Variants in SEC24D observed in about 807,000 individuals in gnomAD.
SEC24D encodes the protein protein transport protein Sec24D.
SEC24D carries 69 observed loss-of-function variants against 116.9 expected under a neutral mutation model. That is an observed-to-expected ratio of 0.59 (90% CI 0.49 to 0.72). The LOEUF (loss-of-function observed/expected upper bound fraction) is 0.72. Ranked by LOEUF, SEC24D falls within the 30% of genes least tolerant of loss-of-function variation. The pLI is 0.00. For synonymous variants in SEC24D, 405 were observed against 442.8 expected (o/e 0.91, Z 1.07); for missense variants, 1,131 against 1,264.1 (o/e 0.89, Z 1.60).
chr4:118,756,385 T>C (rs1398565484), intron 11 of SEC24D, among the ~76,000 whole-genome samples: 1 of 152,122 alleles, frequency 6.6e-6, no homozygotes, highest in East Asian at 1.9e-4. Context: ...AGTTTGAAAT[T>C]GCCTCGGTGT....
In SEC24D at chr4:118,723,575, GCCTCCGTA is replaced by G. The variant is rs1725252640; in HGVS notation, c.3031_3038del (p.Tyr1011LeufsTer19). 3.1e-6 allele frequency: 5 copies of G among 1,613,656 alleles called. No individual in the cohort carries two copies. In the African/African-American group the frequency reaches 6.7e-5, roughly 22 times the overall value. ...AACAAAGGAAATCCACATAAGAAGAGCCTCCGTAAAGTCCTTTGTCTTCTACCAGGAAC... is the reference window on the plus strand; with the variant it reads ...AACAAAGGAAATCCACATAAGAAGAGAAGTCCTTTGTCTTCTACCAGGAAC... On this transcript the variant is annotated frameshift_variant, in exon 23 of 23. Coordinates refer to ENST00000280551, the MANE Select transcript of SEC24D (RefSeq NM_014822.4). LOFTEE classifies it high-confidence loss of function.
Position 118,728,564 on chromosome 4 carries a change from C to A in SEC24D, c.2955G>T (p.Met985Ile), listed in dbSNP as rs748694920. 2.5e-6 allele frequency: 4 copies of A among 1,585,996 alleles called. No individual in the cohort carries two copies. The highest frequency in any genetic ancestry group is 2.7e-5 in the African/African-American group (2 of 73,966). ...GIIQQKRPYS[M>I]KLTIVKQREQ... is the part of the protein sequence containing the mutation. ...AAAAATAAAATTGCTTTCTTACCTT[C>A]ATTGAATATGGCCTCTTTTGTTGGA... Residue 985 changes from methionine to isoleucine, a missense_variant, in exon 22 of 23, where the codon ATG becomes ATT. Met to Ile is a conservative substitution (Grantham distance 10). Transcript: ENST00000280551.
At chr4:118,753,280 T>C (rs1726926992) in intron 11 of SEC24D, among the ~76,000 whole-genome samples, 1 of 152,096 alleles carries the variant, frequency 6.6e-6, no homozygotes, top group Non-Finnish European at 1.5e-5. Context: ...AATGGAATAT[T>C]TGAAGCAAGG....
At chr4:118,783,546 T>TGG (rs1728525504) in intron 8 of SEC24D, among the ~76,000 whole-genome samples, 1 of 152,036 alleles carries the variant, frequency 6.6e-6, no homozygotes, top group Non-Finnish European at 1.5e-5. Flanking sequence ...TTGAATTGAA[T>TGG]TGGTTATTCT....
In SEC24D at chr4:118,778,474, T is replaced by C. The variant is rs549855632; in HGVS notation, c.1042-10163A>G. Among the ~76,000 whole-genome samples, 8 of 152,330 alleles carry C rather than the reference T, an allele frequency of 5.3e-5. No homozygotes were observed. The South Asian group carries it at 1.7e-3, about 32-fold the overall frequency. On this transcript the variant is annotated intron_variant, in intron 8 of 22. Coordinates refer to ENST00000280551, the MANE Select transcript of SEC24D (RefSeq NM_014822.4). ...CTGTTCCACTGGTCTATATCTCTGT[T>C]TTGGTACCAGTACCACGCTGATTTG...
At chr4:118,779,235 G>A (rs989079831) in intron 8 of SEC24D, among the ~76,000 whole-genome samples, 28 of 152,124 alleles carry the variant, frequency 1.8e-4, no homozygotes, top group Non-Finnish European at 3.7e-4. Flanking sequence ...TATTGGCTGT[G>A]GGTTTGTCAT....
intron 13 of SEC24D, among the ~76,000 whole-genome samples, chr4:118,750,106 A>G (rs1404186642): frequency 6.6e-6 from 1 of 152,236 alleles, no homozygotes. Context: ...GATGCAAAAG[A>G]TATGAAGATA....
intron 8 of SEC24D, among the ~76,000 whole-genome samples, chr4:118,792,522 G>A (rs1325553033): frequency 6.6e-6 from 1 of 152,236 alleles, no homozygotes; most frequent in African/African-American, 2.4e-5. Context: ...GTAGACATAG[G>A]AGACTCCATT....
intron 8 of SEC24D, among the ~76,000 whole-genome samples, chr4:118,794,834 C>T (rs35868882): frequency 0.26 from 39,823 of 152,018 alleles, 6,398 homozygotes; most frequent in East Asian, 0.45. Context: ...TATATTACCC[C>T]GCTGTTTTAA....
intron 3 of SEC24D, among the ~76,000 whole-genome samples, chr4:118,822,190 A>T (rs1730428736): frequency 6.6e-6 from 1 of 152,222 alleles, no homozygotes; most frequent in African/African-American, 2.4e-5. Context: ...TTAATCATTA[A>T]AATCCTCACA....
chr4:118,731,457 A>G lies in SEC24D; in HGVS notation c.2727T>C (p.Ser909=). The G allele has an allele frequency of 6.2e-7, 1 of 1,614,176 alleles. No individual in the cohort carries two copies. Among genetic ancestry groups the G allele is most frequent in the Non-Finnish European group, 8.5e-7 (1 of 1,180,000 alleles). The change falls in exon 21 of 23, where the codon TCT becomes TCC. Residue 909 remains serine, a synonymous_variant. Transcript: ENST00000280551. ...STMLPAAVRC[S]ESRLSEEGIF... is the part of the protein sequence containing the mutation. The stretch of plus-strand genomic sequence containing the variant: ...TTCCTTCTTCTGAAAGACGGGACTC[A>G]GAGCAACGAACGGCAGCAGGTAACA...
chr4:118,742,331 A>G (rs886706597), intron 15 of SEC24D, among the ~76,000 whole-genome samples: 2 of 150,862 alleles, frequency 1.3e-5, no homozygotes, highest in Non-Finnish European at 3.0e-5. Context: ...CACAATTCAC[A>G]TATGCCAGGA....
chr4:118,752,565 A>T, intron 12 of SEC24D, 132 bp downstream of exon 12: 1 of 619,672 alleles, frequency 1.6e-6, no homozygotes, highest in Non-Finnish European at 2.7e-6. Flanking sequence ...AACATAAATG[A>T]TAGAGTTTTA....
At chr4:118,796,322 G>T (rs1339024670) in intron 8 of SEC24D, among the ~76,000 whole-genome samples, 1 of 152,208 alleles carries the variant, frequency 6.6e-6, no homozygotes, top group Non-Finnish European at 1.5e-5. Context: ...ACTAAGCATA[G>T]TGAGTTTAAT....
intron 7 of SEC24D, among the ~76,000 whole-genome samples, chr4:118,804,091 C>T (rs1341614979): frequency 6.6e-6 from 1 of 151,846 alleles, no homozygotes; most frequent in Non-Finnish European, 1.5e-5. Flanking sequence ...CTATCTAAAC[C>T]ACAATAAAAT....
chr4:118,752,213 G>T, intron 12 of SEC24D, 124 bp from the exon 13 acceptor site: 1 of 625,780 alleles, frequency 1.6e-6, no homozygotes, highest in Non-Finnish European at 2.8e-6. Flanking sequence ...AACACCTATA[G>T]GTAATTTTTC....
chr4:118,752,601 C>T, intron 12 of SEC24D, 96 bp downstream of exon 12: 1 of 814,620 alleles, frequency 1.2e-6, no homozygotes, highest in Non-Finnish European at 1.9e-6. Context: ...AACCCCCTTG[C>T]TAATGATAAA....
chr4:118,764,884 A>C lies in SEC24D; in HGVS notation c.1214T>G (p.Ile405Ser). ...PPFYFQHLDHIGRRLDHYEKP... is the reference protein window; with the variant it reads ...PPFYFQHLDHSGRRLDHYEKP... The stretch of plus-strand genomic sequence containing the variant: ...CTCATAGTGGTCCAGTCTTCTTCCA[A>C]TGTGGTCCAGATGTTGGAAATAGAA... The change falls in exon 10 of 23, where the codon ATT (isoleucine) becomes AGT (serine). Residue 405 changes from isoleucine (I) to serine (S), a missense_variant. Transcript: ENST00000280551. The C allele has an allele frequency of 6.2e-7, 1 of 1,609,240 alleles. No homozygotes were observed. The highest frequency in any genetic ancestry group is 8.5e-7 in the Non-Finnish European group (1 of 1,175,862).
At chr4:118,779,482 A>G (rs1390346156) in intron 8 of SEC24D, among the ~76,000 whole-genome samples, 2 of 152,100 alleles carry the variant, frequency 1.3e-5, no homozygotes, top group Non-Finnish European at 2.9e-5. Context: ...AAGCTTTTTG[A>G]TGTGCTGTTG....
Sources: gnomAD v4.1 joint callset for allele counts (sites outside exome capture counted in the v4.1 genomes callset) on GRCh38, gnomAD v4.1.1 for gene constraint, MANE v1.5 for transcripts, NCBI Gene and HGNC (gene_info 2026-07-23, HGNC 2026-07-21) for gene names.